The following MYO7B variants were observed in gnomAD, a reference collection of about 807,000 sequenced individuals.
The protein encoded by MYO7B is unconventional myosin-VIIb.
In MYO7B, 212 loss-of-function variants were observed where a neutral mutation model predicts 259.7. That is an observed-to-expected ratio of 0.82 (90% CI 0.73 to 0.91). The LOEUF (loss-of-function observed/expected upper bound fraction) is 0.91. MYO7B is among the 40% of genes least tolerant of loss of function. The pLI is 0.00. For missense variants in MYO7B, 2,732 were observed against 2,813.5 expected (o/e 0.97, Z 0.66); for synonymous variants, 1,197 against 1,166.4 (o/e 1.03, Z -0.54).
intron 19 of MYO7B, among the ~76,000 whole-genome samples, chr2:127,598,593 T>C (rs1679851461): frequency 6.6e-6 from 1 of 152,268 alleles, no homozygotes; most frequent in South Asian, 2.1e-4. Flanking sequence ...CTTCGTAAAG[T>C]CTAATTGTCA....
intron 2 of MYO7B, among the ~76,000 whole-genome samples, chr2:127,561,292 T>C (rs192340131): frequency 1.3e-5 from 2 of 150,960 alleles, no homozygotes; most frequent in East Asian, 3.9e-4. Context: ...TTAGACAGAG[T>C]CTTACTCTGT....
intron 19 of MYO7B, among the ~76,000 whole-genome samples, chr2:127,604,072 G>A (rs1680068908): frequency 6.6e-6 from 1 of 152,196 alleles, no homozygotes; most frequent in South Asian, 2.1e-4. Context: ...AGTGGAGGTT[G>A]CAGTGAGCTG....
In MYO7B at chr2:127,540,337, T is replaced by G. The variant is rs550244754; in HGVS notation, c.-24+4506T>G. Among the ~76,000 whole-genome samples, 14 of 152,220 alleles carry G rather than the reference T, an allele frequency of 9.2e-5. No individual in the cohort carries two copies. In the East Asian group the frequency reaches 2.7e-3, roughly 29 times the overall value. On this transcript the variant is annotated intron_variant, in intron 1 of 47. Transcript: ENST00000409816. ...CGCCACCACACCCAACTAATTTTTG[T>G]ATTTTTAGTAGAGACAGGGTTTCAC...
Position 127,611,320 on chromosome 2 carries a change from G to A in MYO7B, c.3193-930G>A, listed in dbSNP as rs1028082546. Among the ~76,000 whole-genome samples, 3 of 152,222 alleles carry A rather than the reference G, an allele frequency of 2.0e-5. No individual in the cohort carries two copies. The highest frequency in any genetic ancestry group is 2.0e-4 in the Admixed American group (3 of 15,286). ...CCACACAGGGCAGGAATTTCAGGAC[G>A]CAGGGATCACGGGGGCCATGTTGGA... On this transcript the variant is annotated intron_variant, in intron 24 of 47. Transcript: ENST00000409816. This position sits in a 1 kb window ranked among gnomAD's most constrained non-coding sequence, Gnocchi z 5.4.
chr2:127,606,453 G>A (rs1412251554), intron 20 of MYO7B, among the ~76,000 whole-genome samples: 1 of 152,198 alleles, frequency 6.6e-6, no homozygotes, highest in Non-Finnish European at 1.5e-5. Context: ...CAGCCTGCCT[G>A]CATTCCATGC....
chr2:127,552,603 G>A (rs1693487183), intron 1 of MYO7B, among the ~76,000 whole-genome samples: 1 of 152,158 alleles, frequency 6.6e-6, no homozygotes, highest in South Asian at 2.1e-4. Flanking sequence ...GGACCAACAT[G>A]GGGTCTCCTG....
At position 127,546,136 on chromosome 2, in the gene MYO7B, C is replaced by T; in HGVS notation, c.-24+10305C>T. Among the ~76,000 whole-genome samples the T allele has an allele frequency of 6.6e-6, 1 of 152,222 alleles. No individual in the cohort carries two copies. Among genetic ancestry groups the T allele is most frequent in the East Asian group, 1.9e-4 (1 of 5,192 alleles). On this transcript the variant is annotated intron_variant, in intron 1 of 47. Coordinates refer to ENST00000409816, the MANE Select transcript of MYO7B (RefSeq NM_001393586.1). The surrounding 1 kb of genome is among the most constrained non-coding windows in gnomAD (Gnocchi z 4.2). The stretch of plus-strand genomic sequence containing the variant: ...CATCCCTCACCCAGCCCCAGATGCC[C>T]TTTCTGCCCAAAGAACACTCAGACC...
At chr2:127,629,099 G>A (rs895915906) in intron 34 of MYO7B, among the ~76,000 whole-genome samples, 3 of 152,246 alleles carry the variant, frequency 2.0e-5, no homozygotes, top group African/African-American at 4.8e-5. Context: ...GTCATGGGCG[G>A]TGGGTGGTGT....
chr2:127,565,833 T>G (rs1197081873), intron 4 of MYO7B, among the ~76,000 whole-genome samples: 2 of 152,244 alleles, frequency 1.3e-5, no homozygotes, highest in Non-Finnish European at 2.9e-5. Flanking sequence ...CTGGCCTGGA[T>G]GGAGGTTCAC....
At chr2:127,617,504 T>A (rs1337573617) in intron 26 of MYO7B, among the ~76,000 whole-genome samples, 1 of 135,698 alleles carries the variant, frequency 7.4e-6, no homozygotes, top group African/African-American at 2.8e-5. Flanking sequence ...TTTTTTTTTT[T>A]TTTTTTTTTG....
In MYO7B at chr2:127,627,366, G is replaced by C. The variant is rs781750986; in HGVS notation, c.4460+56G>C. Reference sequence around the variant, plus strand: ...CACACTGAGTCCTTGTGATGCATCTGGGGGCTCGGGGAGAGATGGGGAGAG... The same window carrying C: ...CACACTGAGTCCTTGTGATGCATCTCGGGGCTCGGGGAGAGATGGGGAGAG... On this transcript the variant is annotated intron_variant, in intron 33 of 47. Transcript: ENST00000409816. This position sits in a 1 kb window ranked among gnomAD's most constrained non-coding sequence, Gnocchi z 5.6. 1.3e-6 allele frequency: 2 copies of C among 1,588,038 alleles called. No homozygotes were observed. The highest frequency in any genetic ancestry group is 2.7e-5 in the African/African-American group (2 of 74,424).
intron 1 of MYO7B, among the ~76,000 whole-genome samples, chr2:127,538,570 CTT>C (rs376082743): frequency 2.8e-5 from 4 of 144,086 alleles, no homozygotes; most frequent in African/African-American, 5.1e-5. Context: ...TTGTTTCTTT[CTT>C]TTTTTTTTTT....
chr2:127,545,614 G>T (rs577221398), intron 1 of MYO7B, among the ~76,000 whole-genome samples: 3 of 152,366 alleles, frequency 2.0e-5, no homozygotes, highest in East Asian at 3.9e-4. Flanking sequence ...CTCCTGCCCA[G>T]GGCCTTGTCT....
At chr2:127,629,546 T>C (rs1681346730) in intron 34 of MYO7B, 99 bp from the exon 35 acceptor site, 1 of 1,217,874 alleles carries the variant, frequency 8.2e-7, no homozygotes, top group Admixed American at 2.4e-5. Context: ...CACCACTCTA[T>C]GCCTCGGTTT....
chr2:127,607,934 A>G lies in MYO7B; in HGVS notation c.2643+510A>G, dbSNP rs1680221734. On this transcript the variant is annotated intron_variant, in intron 21 of 47. Transcript: ENST00000409816. This position sits in a 1 kb window ranked among gnomAD's most constrained non-coding sequence, Gnocchi z 4.4. ...GAAAGGCCCCAGTTCCATGGAAGAGAGCAAAGTGTCCTGGTTACTGGGCTG... is the reference window on the plus strand; with the variant it reads ...GAAAGGCCCCAGTTCCATGGAAGAGGGCAAAGTGTCCTGGTTACTGGGCTG... Among the ~76,000 whole-genome samples the G allele has an allele frequency of 6.6e-6, 1 of 152,142 alleles. No individual in the cohort carries two copies. Among genetic ancestry groups the G allele is most frequent in the East Asian group, 1.9e-4 (1 of 5,186 alleles).
At chr2:127,543,325 CT>C (rs375709944) in intron 1 of MYO7B, among the ~76,000 whole-genome samples, 3,213 of 147,462 alleles carry the variant, frequency 0.022, 110 homozygotes, top group African/African-American at 0.074. Flanking sequence ...CCTTCAAGCA[CT>C]TTTTTTTTTT....
intron 35 of MYO7B, among the ~76,000 whole-genome samples, chr2:127,630,368 A>G (rs1317297588): frequency 1.3e-5 from 2 of 152,168 alleles, no homozygotes; most frequent in Non-Finnish European, 2.9e-5. Flanking sequence ...TAGGGTGGGG[A>G]ACTTACCCTG....
At chr2:127,569,681 C>A in intron 5 of MYO7B, 108 bp from the exon 6 acceptor site, 1 of 1,394,526 alleles carries the variant, frequency 7.2e-7, no homozygotes, top group Non-Finnish European at 9.7e-7. Flanking sequence ...AGAGGCCATC[C>A]CTGTCAGACT....
intron 1 of MYO7B, among the ~76,000 whole-genome samples, chr2:127,537,125 C>T (rs1024759875): frequency 2.6e-5 from 4 of 152,148 alleles, no homozygotes; most frequent in African/African-American, 9.7e-5. Flanking sequence ...TCTGATGAGC[C>T]GAGCAGAGGA....
Sources: allele counts gnomAD v4.1 joint callset (sites outside exome capture counted in the v4.1 genomes callset), GRCh38; gene constraint gnomAD v4.1.1; non-coding constraint Gnocchi (gnomAD v3.1); transcripts MANE v1.5; gene names NCBI Gene and HGNC (gene_info 2026-07-23, HGNC 2026-07-21).